The following DOCK5 variants were observed in gnomAD, a reference collection of about 807,000 sequenced individuals.
DOCK5 encodes the protein dedicator of cytokinesis 5.
A neutral mutation model predicts 251.8 loss-of-function variants in DOCK5; 142 were observed. That is an observed-to-expected ratio of 0.56 (90% CI 0.49 to 0.65). The LOEUF is 0.65. Among genes scored for constraint, DOCK5 ranks in the 30% least tolerant of loss-of-function variants. The probability of loss-of-function intolerance (pLI) is 0.00; values close to 1 mark genes in which losing one functional copy is unlikely to be tolerated. For synonymous variants in DOCK5, 842 were observed against 835.5 expected (o/e 1.01, Z -0.13); for missense variants, 2,111 against 2,312.3 (o/e 0.91, Z 1.79).
chr8:25,251,471 G>T (rs1351700009), intron 2 of DOCK5, among the ~76,000 whole-genome samples: 1 of 152,120 alleles, frequency 6.6e-6, no homozygotes, highest in Non-Finnish European at 1.5e-5. Context: ...CTTCTATATA[G>T]AAGAAGTCTA....
At chr8:25,216,136 CTATACGTGTATACAATATGTA>C (rs1396844960) in intron 1 of DOCK5, among the ~76,000 whole-genome samples, 1 of 150,234 alleles carries the variant, frequency 6.7e-6, no homozygotes, top group Admixed American at 6.6e-5. Context: ...TACAATATGT[CTATACGTGTATACAATATGTA>C]TATATGTATA....
intron 1 of DOCK5, among the ~76,000 whole-genome samples, chr8:25,203,592 C>T (rs975731152): frequency 5.9e-5 from 9 of 152,140 alleles, no homozygotes; most frequent in Middle Eastern, 3.2e-3. Flanking sequence ...TAGCTCACTC[C>T]GTGAAGCAAA....
At chr8:25,279,167 G>A (rs1804121629) in intron 5 of DOCK5, among the ~76,000 whole-genome samples, 1 of 152,130 alleles carries the variant, frequency 6.6e-6, no homozygotes, top group African/African-American at 2.4e-5. Context: ...AACTTGAATA[G>A]TGTTAAGTTG....
intron 33 of DOCK5, 139 bp downstream of exon 33, chr8:25,368,864 A>G (rs10103130): frequency 0.5 from 517,997 of 1,038,134 alleles, 131,653 homozygotes; most frequent in Middle Eastern, 0.57. Context: ...ATTTCATTTT[A>G]TAAAGCAATT....
chr8:25,280,258 C>G (rs938450171), intron 5 of DOCK5, among the ~76,000 whole-genome samples: 1 of 152,106 alleles, frequency 6.6e-6, no homozygotes, highest in African/African-American at 2.4e-5. Flanking sequence ...GGCCTGGGAA[C>G]CCTCCTCTTT....
chr8:25,206,644 C>T (rs1414505223), intron 1 of DOCK5, among the ~76,000 whole-genome samples: 1 of 152,168 alleles, frequency 6.6e-6, no homozygotes, highest in East Asian at 1.9e-4. Context: ...CGTTTTACAC[C>T]ATCTAAGATT....
At chr8:25,372,284 A>G (rs10090201) in intron 34 of DOCK5, among the ~76,000 whole-genome samples, 70,271 of 152,108 alleles carry the variant, frequency 0.46, 16,472 homozygotes, top group Middle Eastern at 0.54. Flanking sequence ...TTGTGTGCTC[A>G]GATTCTAAGT....
chr8:25,221,457 C>T (rs1054308397), intron 1 of DOCK5, among the ~76,000 whole-genome samples: 21 of 152,072 alleles, frequency 1.4e-4, no homozygotes, highest in African/African-American at 4.8e-4. Flanking sequence ...TACAGGCGCC[C>T]GCCACCATGC....
chr8:25,403,344 G>A (rs1323715487), intron 47 of DOCK5, among the ~76,000 whole-genome samples: 2 of 152,092 alleles, frequency 1.3e-5, no homozygotes, highest in Non-Finnish European at 2.9e-5. Context: ...GCATCAGGGA[G>A]GTTTAACCTA....
intron 18 of DOCK5, among the ~76,000 whole-genome samples, chr8:25,329,917 C>G (rs542949210): frequency 6.6e-6 from 1 of 152,158 alleles, no homozygotes; most frequent in African/African-American, 2.4e-5. Context: ...TCTGTAACCC[C>G]GTGTCACTGC....
intron 33 of DOCK5, 34 bp from the exon 34 acceptor site, chr8:25,369,522 A>G (rs1281920610): frequency 1.3e-6 from 2 of 1,573,850 alleles, no homozygotes; most frequent in Non-Finnish European, 1.7e-6. Context: ...TAAGGATGCA[A>G]CATTATCCTG....
At chr8:25,336,468 A>G (rs951992090) in intron 22 of DOCK5, 95 bp downstream of exon 22, 2 of 1,459,786 alleles carry the variant, frequency 1.4e-6, no homozygotes, top group African/African-American at 2.8e-5. Flanking sequence ...CTCTGTGAGC[A>G]GTTAGTTCTT....
At chr8:25,275,110 A>G (rs1179855633) in intron 3 of DOCK5, among the ~76,000 whole-genome samples, 1 of 152,144 alleles carries the variant, frequency 6.6e-6, no homozygotes, top group Non-Finnish European at 1.5e-5. Context: ...CCTTCCCATT[A>G]TGTTATCTCT....
At chr8:25,186,806 A>G (rs1446300126) in intron 1 of DOCK5, among the ~76,000 whole-genome samples, 1 of 152,194 alleles carries the variant, frequency 6.6e-6, no homozygotes. Context: ...TGTTTCAAAA[A>G]TGTGGTTTTT....
Position 25,284,322 on chromosome 8 carries a change from A to G in DOCK5, c.321+5657A>G, listed in dbSNP as rs1255829065. Among the ~76,000 whole-genome samples the G allele has an allele frequency of 2.0e-5, 3 of 152,128 alleles. No homozygotes were observed. The South Asian group carries it at 6.2e-4, about 32-fold the overall frequency. On this transcript the variant is annotated intron_variant, in intron 5 of 51. Transcript: ENST00000276440. ...GACAGCCCCTGACTAACCCCTCACAACTCTGCTCCTAGAAAGAGCTGATTG... is the reference window on the plus strand; with the variant it reads ...GACAGCCCCTGACTAACCCCTCACAGCTCTGCTCCTAGAAAGAGCTGATTG...
intron 9 of DOCK5, 112 bp from the exon 10 acceptor site, chr8:25,302,213 A>T: frequency 7.2e-7 from 1 of 1,385,106 alleles, no homozygotes; most frequent in South Asian, 1.6e-5. Context: ...ATACTTCAGC[A>T]TTGAGAAATA....
chr8:25,291,062 T>C (rs1804473353), intron 5 of DOCK5, among the ~76,000 whole-genome samples: 1 of 152,090 alleles, frequency 6.6e-6, no homozygotes, highest in Admixed American at 6.6e-5. Flanking sequence ...ACATAGATTG[T>C]TGGGGTGGAG....
intron 26 of DOCK5, among the ~76,000 whole-genome samples, chr8:25,345,986 A>G (rs1416433324): frequency 6.6e-6 from 1 of 152,050 alleles, no homozygotes; most frequent in Non-Finnish European, 1.5e-5. Context: ...AGTAGCTGGG[A>G]CTACAGGCGC....
At chr8:25,230,461 G>T (rs1342086132) in intron 1 of DOCK5, among the ~76,000 whole-genome samples, 1 of 152,238 alleles carries the variant, frequency 6.6e-6, no homozygotes, top group East Asian at 1.9e-4. Context: ...ATGTAAACAG[G>T]TTTCCTTTTG....
Sources: gnomAD v4.1 joint callset for allele counts (sites outside exome capture counted in the v4.1 genomes callset) on GRCh38, gnomAD v4.1.1 for gene constraint, MANE v1.5 for transcripts, NCBI Gene and HGNC (gene_info 2026-07-23, HGNC 2026-07-21) for gene names.